Variants in PRUNE2 observed in about 807,000 individuals in gnomAD.
PRUNE2 encodes the protein protein prune homolog 2.
In PRUNE2, 164 loss-of-function variants were observed where a neutral mutation model predicts 252.0. The observed-to-expected ratio is 0.65, with a 90% confidence interval of 0.57 to 0.74. The LOEUF (loss-of-function observed/expected upper bound fraction) is 0.74. Among genes scored for constraint, PRUNE2 ranks in the 30% least tolerant of loss-of-function variants. The pLI is 0.00. For synonymous variants in PRUNE2, 1,292 were observed against 1,350.2 expected (o/e 0.96, Z 0.94); for missense variants, 3,495 against 3,711.0 (o/e 0.94, Z 1.51).
chr9:76,834,269 TATAA>T (rs1440591076), intron 4 of PRUNE2, among the ~76,000 whole-genome samples: 1 of 152,104 alleles, frequency 6.6e-6, no homozygotes, highest in Non-Finnish European at 1.5e-5. Flanking sequence ...AAGTAGAAAG[TATAA>T]ATAAAGGAAA....
intron 3 of PRUNE2, among the ~76,000 whole-genome samples, chr9:76,847,004 TA>T (rs1374772342): frequency 6.6e-6 from 1 of 152,210 alleles, no homozygotes; most frequent in Non-Finnish European, 1.5e-5. Flanking sequence ...TGTATTATCA[TA>T]TTTTATACTA....
intron 1 of PRUNE2, among the ~76,000 whole-genome samples, chr9:76,870,941 A>G (rs1252406553): frequency 1.3e-5 from 2 of 152,246 alleles, no homozygotes; most frequent in East Asian, 3.8e-4. Context: ...TCCAAAGTGA[A>G]TGGTGCCTAC....
intron 6 of PRUNE2, among the ~76,000 whole-genome samples, chr9:76,746,901 G>A (rs527514580): frequency 2.0e-5 from 3 of 152,186 alleles, no homozygotes; most frequent in East Asian, 1.9e-4. Flanking sequence ...CCTTTGTAGC[G>A]TCCTTTATAA....
intron 6 of PRUNE2, among the ~76,000 whole-genome samples, chr9:76,717,954 G>A (rs778513722): frequency 4.6e-5 from 7 of 152,142 alleles, no homozygotes; most frequent in Non-Finnish European, 5.9e-5. Flanking sequence ...GCCTGGAAAC[G>A]TGGGGAGAAA....
chr9:76,664,329 C>T (rs1198779030), intron 9 of PRUNE2, among the ~76,000 whole-genome samples: 1 of 152,174 alleles, frequency 6.6e-6, no homozygotes, highest in Non-Finnish European at 1.5e-5. Flanking sequence ...GAACTGAAGC[C>T]TTCTGCCAAC....
chr9:76,815,413 G>A (rs1564362976), intron 6 of PRUNE2, among the ~76,000 whole-genome samples: 1 of 152,164 alleles, frequency 6.6e-6, no homozygotes, highest in Non-Finnish European at 1.5e-5. Flanking sequence ...GGTGGAACTG[G>A]TGTCTGGTGA....
chr9:76,621,607 T>C (rs1478226964), intron 17 of PRUNE2, among the ~76,000 whole-genome samples: 1 of 152,140 alleles, frequency 6.6e-6, no homozygotes, highest in Non-Finnish European at 1.5e-5. Context: ...GGCCCTTGAC[T>C]TTTAGGCAGT....
chr9:76,736,744 AC>A (rs1174795621), intron 6 of PRUNE2: 5 of 152,256 alleles, frequency 3.3e-5, no homozygotes, highest in African/African-American at 1.2e-4. Flanking sequence ...TTGGATTTTA[AC>A]ATATGAAGTT....
intron 1 of PRUNE2, among the ~76,000 whole-genome samples, chr9:76,886,781 C>T (rs536841985): frequency 4.1e-4 from 63 of 152,212 alleles, no homozygotes; most frequent in Admixed American, 7.2e-4. Context: ...GAAATTTAAG[C>T]CCCTACTTTC....
At chr9:76,749,832 T>C (rs759201932) in intron 6 of PRUNE2, among the ~76,000 whole-genome samples, 3 of 152,140 alleles carry the variant, frequency 2.0e-5, no homozygotes, top group African/African-American at 4.8e-5. Flanking sequence ...CATGACAGAT[T>C]TGCGTTTCAG....
At chr9:76,876,702 C>G (rs569067530) in intron 1 of PRUNE2, among the ~76,000 whole-genome samples, 9 of 151,994 alleles carry the variant, frequency 5.9e-5, no homozygotes, top group Non-Finnish European at 1.0e-4. Context: ...TTTCTAATAC[C>G]GCTGCTAGCC....
At chr9:76,779,135 G>A (rs531821537) in intron 6 of PRUNE2, among the ~76,000 whole-genome samples, 12 of 151,922 alleles carry the variant, frequency 7.9e-5, no homozygotes, top group Admixed American at 5.2e-4. Context: ...CAATGTAGAC[G>A]CAAATTTTCT....
intron 6 of PRUNE2, among the ~76,000 whole-genome samples, chr9:76,742,702 G>A (rs1160632455): frequency 6.6e-6 from 1 of 152,080 alleles, no homozygotes; most frequent in Non-Finnish European, 1.5e-5. Context: ...ACATGCAACT[G>A]AGAGAAGTAA....
chr9:76,814,066 G>A (rs1477594889), intron 6 of PRUNE2, among the ~76,000 whole-genome samples: 15 of 152,212 alleles, frequency 9.9e-5, no homozygotes, highest in East Asian at 1.9e-4. Context: ...CACCCGCCTC[G>A]GCCTCCCAAA....
intron 6 of PRUNE2, among the ~76,000 whole-genome samples, chr9:76,803,998 C>G (rs1343834349): frequency 6.6e-6 from 1 of 152,120 alleles, no homozygotes; most frequent in Admixed American, 6.5e-5. Flanking sequence ...TCACATCTCT[C>G]CGCCGAGAAC....
At chr9:76,644,607 G>T in intron 12 of PRUNE2, 132 bp downstream of exon 12, 1 of 816,402 alleles carries the variant, frequency 1.2e-6, no homozygotes, top group Non-Finnish European at 2.1e-6. Context: ...TAGCTCTATA[G>T]TTCCCTGAAT....
chr9:76,730,095 T>G (rs1455891556), intron 6 of PRUNE2, among the ~76,000 whole-genome samples: 1 of 152,256 alleles, frequency 6.6e-6, no homozygotes, highest in Non-Finnish European at 1.5e-5. Flanking sequence ...TATTAACATG[T>G]ACAATTGATT....
At chr9:76,838,034 A>G (rs192021379) in intron 4 of PRUNE2, among the ~76,000 whole-genome samples, 274 of 152,072 alleles carry the variant, frequency 1.8e-3, no homozygotes, top group African/African-American at 5.0e-3. Context: ...GCCTCCCAAA[A>G]TGCTGGGATT....
At chr9:76,861,696 C>T (rs2060557065) in intron 1 of PRUNE2, among the ~76,000 whole-genome samples, 1 of 152,050 alleles carries the variant, frequency 6.6e-6, no homozygotes, top group African/African-American at 2.4e-5. Flanking sequence ...ATCGAGTGAC[C>T]TCAAATATCA....
Sources: allele counts gnomAD v4.1 joint callset (sites outside exome capture counted in the v4.1 genomes callset), GRCh38; gene constraint gnomAD v4.1.1; transcripts MANE v1.5; gene names NCBI Gene and HGNC (gene_info 2026-07-23, HGNC 2026-07-21).